SBK1: variants seen among roughly 807,000 people sequenced by gnomAD.
SBK1 encodes serine/threonine-protein kinase SBK1.
SBK1 carries 11 observed loss-of-function variants against 24.4 expected under a neutral mutation model. That is an observed-to-expected ratio of 0.45 (90% CI 0.28 to 0.75). The LOEUF is 0.75. SBK1 is among the 30% of genes least tolerant of loss of function. The probability of loss-of-function intolerance (pLI) is 0.12; values close to 1 mark genes in which losing one functional copy is unlikely to be tolerated. For missense variants in SBK1, 467 were observed against 620.5 expected (o/e 0.75, Z 2.63); for synonymous variants, 308 against 284.4 (o/e 1.08, Z -0.83).
intron 1 of SBK1, among the ~76,000 whole-genome samples, chr16:28,274,768 G>A (rs1420914305): frequency 6.6e-6 from 1 of 152,120 alleles, no homozygotes; most frequent in Non-Finnish European, 1.5e-5. Flanking sequence ...ACACAGAGCT[G>A]TAAATAACGT....
intron 1 of SBK1, among the ~76,000 whole-genome samples, chr16:28,298,828 G>A (rs1324122270): frequency 1.3e-5 from 2 of 152,256 alleles, no homozygotes; most frequent in East Asian, 1.9e-4. Context: ...GGGCACGGGT[G>A]GGGCTGGAGG....
At chr16:28,279,207 C>CAAA (rs34028427) in intron 1 of SBK1, among the ~76,000 whole-genome samples, 4 of 115,246 alleles carry the variant, frequency 3.5e-5, no homozygotes, top group Admixed American at 9.4e-5. Context: ...GAGACTCTGT[C>CAAA]AAAAAAAAAA....
At chr16:28,314,405 C>T (rs1230771388) in intron 1 of SBK1, among the ~76,000 whole-genome samples, 1 of 150,898 alleles carries the variant, frequency 6.6e-6, no homozygotes, top group Non-Finnish European at 1.5e-5. Flanking sequence ...AATCCTCTCA[C>T]CTTGGCCTCC....
At position 28,293,252 on chromosome 16, in the gene SBK1, C is replaced by G; in HGVS notation, c.-56C>G. On this transcript the variant is annotated 5_prime_UTR_variant, in exon 1 of 4. Coordinates refer to ENST00000341901, the MANE Select transcript of SBK1 (RefSeq NM_001024401.3). ...CCCGGGGCCGGGCAGACGAAGACCG[C>G]GACGGCGCCCAGGCCCCCTGCCGCG... is the stretch of plus-strand genomic sequence containing the variant. 1 of 985,390 alleles carries G rather than the reference C, an allele frequency of 1.0e-6. No homozygotes were observed. Among genetic ancestry groups the G allele is most frequent in the African/African-American group, 1.7e-5 (1 of 57,344 alleles). The allele number at this position is 985,390 out of a possible 1,614,324, so 61.0% of individuals were successfully genotyped here. A position where few individuals can be genotyped will look rare whatever the true frequency, so the allele number is the denominator to read the frequency against.
At chr16:28,271,985 A>G (rs2044468415) in intron 1 of SBK1, among the ~76,000 whole-genome samples, 1 of 152,226 alleles carries the variant, frequency 6.6e-6, no homozygotes, top group African/African-American at 2.4e-5. Context: ...AAAATCCTGC[A>G]CATGAATATT....
At chr16:28,269,634 G>A (rs1358014647) in intron 1 of SBK1, among the ~76,000 whole-genome samples, 4 of 151,760 alleles carry the variant, frequency 2.6e-5, no homozygotes, top group African/African-American at 4.8e-5. Context: ...TTGGGAGGCC[G>A]AGGCAGCAGG....
At chr16:28,301,237 C>T (rs927955729) in intron 1 of SBK1, among the ~76,000 whole-genome samples, 1 of 152,234 alleles carries the variant, frequency 6.6e-6, no homozygotes, top group African/African-American at 2.4e-5. Flanking sequence ...CTGCACCCTC[C>T]AGTAGCCAGG....
intron 1 of SBK1, among the ~76,000 whole-genome samples, chr16:28,270,053 ATG>A (rs2044455079): frequency 6.6e-6 from 1 of 151,960 alleles, no homozygotes; most frequent in Non-Finnish European, 1.5e-5. Flanking sequence ...ACAATGAACT[ATG>A]TTTTTTCCAT....
chr16:28,301,476 A>G (rs2044678344), intron 1 of SBK1, among the ~76,000 whole-genome samples: 2 of 152,156 alleles, frequency 1.3e-5, no homozygotes, highest in Admixed American at 1.3e-4. Context: ...GGAACCCCAG[A>G]CTGCCCCTGG....
chr16:28,294,316 G>A (rs1486374362), intron 1 of SBK1, among the ~76,000 whole-genome samples: 3 of 152,194 alleles, frequency 2.0e-5, no homozygotes, highest in Non-Finnish European at 4.4e-5. Context: ...ACTCTGGGCT[G>A]CTGGGAGTTC....
rs959858415 is a variant in SBK1, at chr16:28,259,781, C to T, written c.257+279C>T. Among the ~76,000 whole-genome samples the T allele has an allele frequency of 3.3e-5, 5 of 152,136 alleles. No homozygotes were observed. The highest frequency in any genetic ancestry group is 5.9e-5 in the Non-Finnish European group (4 of 68,016). ...AGAGCCCTCCATGGCTCCCAGCTCC[C>T]GTGGGATAAAGTTAACACTCGGCTG... On this transcript the variant is annotated intron_variant, in intron 1 of 3. Transcript: ENST00000671413. The surrounding 1 kb of genome is among the most constrained non-coding windows in gnomAD (Gnocchi z 6.0).
At chr16:28,312,095 G>T (rs1227036161) in intron 1 of SBK1, among the ~76,000 whole-genome samples, 1 of 152,248 alleles carries the variant, frequency 6.6e-6, no homozygotes, top group African/African-American at 2.4e-5. Flanking sequence ...AGCCCTTGGG[G>T]ACTCCACACA....
chr16:28,272,845 C>A (rs1597011036), intron 1 of SBK1, among the ~76,000 whole-genome samples: 1 of 152,028 alleles, frequency 6.6e-6, no homozygotes, highest in East Asian at 1.9e-4. Flanking sequence ...TGGTCTCGAA[C>A]TCCTGACCTT....
rs573091231 is a variant in SBK1 at position 28,322,908 on chromosome 16, C to T, written c.*1987C>T. The T allele has an allele frequency of 2.1e-5, 2 of 95,824 alleles. No individual in the cohort carries two copies. Among genetic ancestry groups the T allele is most frequent in the East Asian group, 3.4e-4 (1 of 2,952 alleles). 5.9% of individuals were successfully genotyped at this position (95,824 alleles called of 1,614,324 possible). A position where few individuals can be genotyped will look rare whatever the true frequency, so the allele number is the denominator to read the frequency against. On this transcript the variant is annotated 3_prime_UTR_variant, in exon 4 of 4. Transcript: ENST00000341901. ...ACGTCCCTTGCCGTGCTCGCTCTCT[C>T]TCTCGCGCGCGCTCTCTCTCTCCCT...
In SBK1 at chr16:28,272,959, T is replaced by C. The variant is rs184738678; in HGVS notation, c.257+13457T>C. 3.8e-3 allele frequency among the ~76,000 whole-genome samples: 577 copies of C among 152,242 alleles called. 7 individuals are homozygous for C. The highest frequency in any genetic ancestry group is 0.013 in the African/African-American group (532 of 41,548). The stretch of plus-strand genomic sequence containing the variant: ...TTTAAGGCTTAATTGTAGTAGTCCC[T>C]GTTGCATGTATAGATCACATTTTTT... On this transcript the variant is annotated intron_variant, in intron 1 of 3. Transcript: ENST00000671413.
intron 1 of SBK1, among the ~76,000 whole-genome samples, chr16:28,308,525 C>T (rs1017271493): frequency 1.7e-4 from 22 of 126,262 alleles, no homozygotes; most frequent in South Asian, 2.7e-4. Flanking sequence ...CAGGCTTAAG[C>T]GATCCTTTCA....
At chr16:28,288,972 C>A (rs891373630), upstream of SBK1, among the ~76,000 whole-genome samples, 7 of 152,178 alleles carry the variant, frequency 4.6e-5, no homozygotes, top group African/African-American at 1.7e-4. Flanking sequence ...TGCCAGCAAA[C>A]CTTTACTAAC....
At chr16:28,302,968 G>GT (rs1555537952) in intron 1 of SBK1, among the ~76,000 whole-genome samples, 8 of 151,760 alleles carry the variant, frequency 5.3e-5, no homozygotes, top group Non-Finnish European at 1.2e-4. Context: ...GCATGGGGGG[G>GT]GGTCAGGAGT....
intron 2 of SBK1, among the ~76,000 whole-genome samples, chr16:28,318,217 C>T (rs1209548497): frequency 1.3e-5 from 2 of 152,322 alleles, no homozygotes; most frequent in African/African-American, 4.8e-5. Flanking sequence ...ATACCTCCCC[C>T]ACACTGTAGG....
Sources: gnomAD v4.1 joint callset for allele counts (sites outside exome capture counted in the v4.1 genomes callset) on GRCh38, gnomAD v4.1.1 for gene constraint, Gnocchi (gnomAD v3.1) non-coding constraint, MANE v1.5 for transcripts, NCBI Gene and HGNC (gene_info 2026-07-23, HGNC 2026-07-21) for gene names.